Variants in NEK10 observed in about 807,000 individuals in gnomAD.
The protein encoded by NEK10 is serine/threonine-protein kinase Nek10.
A neutral mutation model predicts 159.8 loss-of-function variants in NEK10; 122 were observed. The observed-to-expected ratio is 0.76, with a 90% CI of 0.66 to 0.89. NEK10 has a LOEUF of 0.89. Among genes scored for constraint, NEK10 ranks in the 40% least tolerant of loss-of-function variants. The pLI is 0.00. For missense variants in NEK10, 1,342 were observed against 1,323.1 expected (o/e 1.01, Z -0.22); for synonymous variants, 466 against 457.1 (o/e 1.02, Z -0.25).
At chr3:27,240,599 C>A (rs1445663214) in intron 23 of NEK10, among the ~76,000 whole-genome samples, 1 of 152,002 alleles carries the variant, frequency 6.6e-6, no homozygotes, top group Admixed American at 6.6e-5. Flanking sequence ...GTAGCAGAGA[C>A]CCTCACAGGA....
In NEK10 at chr3:27,346,194, C is replaced by G. The variant is rs2047540611; in HGVS notation, c.155G>C (p.Ser52Thr). Residue 52 changes from serine (S) to threonine (T), a missense_variant, in exon 4 of 36, where the codon AGT becomes ACT. Physicochemically the swap from Ser to Thr is moderately conservative, Grantham distance 58 (BLOSUM62 1). Coordinates refer to ENST00000691995, the MANE Select transcript of NEK10 (RefSeq NM_001394966.1). Reference protein sequence around the residue: ...KQQLPAINFDSAQNSMTKSEP... With the variant: ...KQQLPAINFDTAQNSMTKSEP... ...AGACTTCGTCATGCTATTTTGGGCACTATCGAAGTTAATGGCTGGAAGCTA... is the reference window on the plus strand; with the variant it reads ...AGACTTCGTCATGCTATTTTGGGCAGTATCGAAGTTAATGGCTGGAAGCTA... The G allele has an allele frequency of 1.2e-6, 2 of 1,613,594 alleles. No homozygotes were observed. The highest frequency in any genetic ancestry group is 8.5e-7 in the Non-Finnish European group (1 of 1,179,702).
chr3:27,157,932 C>A (rs977018438), intron 30 of NEK10, among the ~76,000 whole-genome samples: 2 of 152,080 alleles, frequency 1.3e-5, no homozygotes, highest in African/African-American at 4.8e-5. Flanking sequence ...CTCAGATGAT[C>A]TTTAGCACTT....
chr3:27,311,183 G>T, intron 8 of NEK10, 167 bp from the exon 9 acceptor site: 1 of 479,348 alleles, frequency 2.1e-6, no homozygotes, highest in Non-Finnish European at 3.7e-6. Context: ...TTTACCCCAA[G>T]AATTACTCCT....
intron 4 of NEK10, among the ~76,000 whole-genome samples, chr3:27,345,083 T>C (rs749664904): frequency 6.6e-5 from 10 of 152,350 alleles, no homozygotes; most frequent in Non-Finnish European, 1.2e-4. Flanking sequence ...AAATACATGA[T>C]ACAATATTTT....
At position 27,192,224 on chromosome 3, in the gene NEK10, C is replaced by T. The variant is rs375717071; in HGVS notation, c.2310G>A (p.Ala770=). 28 of 1,613,830 alleles carry T rather than the reference C, an allele frequency of 1.7e-5. No individual in the cohort carries two copies. The highest frequency in any genetic ancestry group is 1.6e-4 in the South Asian group (15 of 91,058). ...DTISRCLTPD[A]EARPDIVEVS... is the part of the protein sequence containing the mutation. ...CTTCTACAATATCTGGACGAGCTTC[C>T]GCATCAGGAGTGAGGCACCTAAGAT... is the stretch of plus-strand genomic sequence containing the variant. Residue 770 remains alanine (A), a synonymous_variant, in exon 26 of 36, where the codon GCG becomes GCA. Transcript: ENST00000691995.
intron 24 of NEK10, among the ~76,000 whole-genome samples, chr3:27,201,896 C>T (rs1196056603): frequency 1.3e-5 from 2 of 152,044 alleles, no homozygotes; most frequent in African/African-American, 2.4e-5. Flanking sequence ...CAGTGGCTCA[C>T]GTCTATAATC....
intron 3 of NEK10, among the ~76,000 whole-genome samples, chr3:27,350,587 A>G (rs1323008007): frequency 5.9e-5 from 9 of 152,032 alleles, no homozygotes; most frequent in Admixed American, 5.9e-4. Context: ...AGCACCATCT[A>G]TTTTCTGAAT....
intron 22 of NEK10, among the ~76,000 whole-genome samples, chr3:27,273,367 G>A (rs1336255623): frequency 6.6e-6 from 1 of 152,150 alleles, no homozygotes; most frequent in Non-Finnish European, 1.5e-5. Flanking sequence ...AGTAGAGAGA[G>A]ACTTGGTTAA....
intron 18 of NEK10, 24 bp from the exon 19 acceptor site, chr3:27,290,778 A>G (rs1450315876): frequency 6.4e-7 from 1 of 1,570,930 alleles, no homozygotes; most frequent in Non-Finnish European, 8.7e-7. Flanking sequence ...AAACACAACA[A>G]CAACAAAAGG....
intron 14 of NEK10, among the ~76,000 whole-genome samples, chr3:27,296,116 T>C (rs1559452113): frequency 6.6e-6 from 1 of 152,154 alleles, no homozygotes; most frequent in African/African-American, 2.4e-5. Flanking sequence ...AATCTTGACA[T>C]CTTTCTAGAT....
intron 33 of NEK10, among the ~76,000 whole-genome samples, 173 bp downstream of exon 33, chr3:27,119,587 A>G: frequency 6.6e-6 from 1 of 152,214 alleles, no homozygotes; most frequent in East Asian, 1.9e-4. Context: ...TGGGTAAGAT[A>G]AATTTCAGGG....
intron 23 of NEK10, among the ~76,000 whole-genome samples, chr3:27,202,917 C>T (rs992723074): frequency 1.3e-5 from 2 of 152,190 alleles, no homozygotes; most frequent in Non-Finnish European, 2.9e-5. Context: ...GTAGCCTCTT[C>T]TGGGCAGTGC....
rs1475321216 is a variant in NEK10, at chr3:27,107,867, T to C, written c.*3405A>G. Among the ~76,000 whole-genome samples the C allele has an allele frequency of 1.3e-5, 2 of 152,194 alleles. No homozygotes were observed. Among genetic ancestry groups the C allele is most frequent in the Non-Finnish European group, 1.5e-5 (1 of 68,030 alleles). On this transcript the variant is annotated 3_prime_UTR_variant, in exon 36 of 36. Coordinates refer to ENST00000691995, the MANE Select transcript of NEK10 (RefSeq NM_001394966.1). ...AAGTCATTTCTAAAGGAACCCAGCA[T>C]ATTGACTGTGCATGATTCCTCACCA...
intron 30 of NEK10, among the ~76,000 whole-genome samples, chr3:27,149,821 G>C (rs1006417966): frequency 1.3e-5 from 2 of 152,170 alleles, no homozygotes; most frequent in Non-Finnish European, 2.9e-5. Flanking sequence ...AGCTTAGTGA[G>C]GAAGGCATGT....
At chr3:27,318,092 C>T (rs570071531) in intron 6 of NEK10, among the ~76,000 whole-genome samples, 2 of 152,146 alleles carry the variant, frequency 1.3e-5, no homozygotes, top group Admixed American at 6.5e-5. Flanking sequence ...CGTGAGCCAC[C>T]GCGCCCAGCC....
intron 22 of NEK10, among the ~76,000 whole-genome samples, chr3:27,261,965 T>C (rs1161038352): frequency 6.6e-6 from 1 of 152,228 alleles, no homozygotes; most frequent in African/African-American, 2.4e-5. Context: ...TTGATCCCTT[T>C]ACCATTATGT....
intron 35 of NEK10, among the ~76,000 whole-genome samples, chr3:27,115,698 A>C (rs1940308564): frequency 6.6e-6 from 1 of 152,194 alleles, no homozygotes; most frequent in African/African-American, 2.4e-5. Context: ...TATGGGAATA[A>C]ATTTCTACTA....
At chr3:27,269,249 A>G (rs1301548399) in intron 22 of NEK10, among the ~76,000 whole-genome samples, 1 of 152,252 alleles carries the variant, frequency 6.6e-6, no homozygotes, top group Non-Finnish European at 1.5e-5. Flanking sequence ...TGGAGGCAGC[A>G]GGGTTTGAGA....
Position 27,108,668 on chromosome 3 carries a change from G to T in NEK10, c.*2604C>A, listed in dbSNP as rs545020417. Reference sequence around the variant, plus strand: ...AGAGAAAGGGAAAAAATATATAAATGCAATCAAGAAAAGATTAAGAGGTCT... The same window carrying T: ...AGAGAAAGGGAAAAAATATATAAATTCAATCAAGAAAAGATTAAGAGGTCT... On this transcript the variant is annotated 3_prime_UTR_variant, in exon 36 of 36. Transcript: ENST00000691995. 2.0e-5 allele frequency among the ~76,000 whole-genome samples: 3 copies of T among 152,212 alleles called. No homozygotes were observed. In the South Asian group the frequency reaches 6.2e-4, roughly 32 times the overall value.
Sources: allele counts gnomAD v4.1 joint callset (sites outside exome capture counted in the v4.1 genomes callset), GRCh38; gene constraint gnomAD v4.1.1; transcripts MANE v1.5; gene names NCBI Gene and HGNC (gene_info 2026-07-23, HGNC 2026-07-21).